The following RFC5 variants were observed in gnomAD, a reference collection of about 807,000 sequenced individuals.
The protein encoded by RFC5 is replication factor C subunit 5.
A neutral mutation model predicts 44.3 loss-of-function variants in RFC5; 26 were observed. The ratio of observed to expected loss-of-function variants is 0.59; its 90% CI spans 0.43 to 0.81. The LOEUF is 0.81. Among genes scored for constraint, RFC5 ranks in the 40% least tolerant of loss-of-function variants. The pLI is 0.00. For missense variants in RFC5, 328 were observed against 418.6 expected, an observed-to-expected ratio of 0.78 and a Z score of 1.89; for synonymous variants, 155 against 155.2, an observed-to-expected ratio of 1.00 and a Z score of 0.01.
At chr12:118,035,352 GC>G, downstream of RFC5, 1 of 1,600,248 alleles carries the variant, frequency 6.2e-7, no homozygotes. Context: ...AGGATGGCAG[GC>G]CTGGAGTGAT....
At chr12:118,036,328 C>T (rs770240745), downstream of RFC5, 60 of 1,610,374 alleles carry the variant, frequency 3.7e-5, no homozygotes, top group African/African-American at 5.3e-5. Context: ...AGCAGGGATT[C>T]AGTCCTTACT....
Position 118,022,470 on chromosome 12 carries a change from T to C in RFC5, c.421+111T>C, listed in dbSNP as rs1593441095. 8.0e-6 allele frequency: 6 copies of C among 747,856 alleles called. No homozygotes were observed. The East Asian group carries it at 1.6e-4, about 20-fold the overall frequency. 46.3% of individuals were successfully genotyped at this position (747,856 alleles called of 1,614,324 possible). On this transcript the variant is annotated intron_variant, in intron 5 of 10. Transcript: ENST00000454402. Reference sequence around the variant, plus strand: ...GTTTTTTTAGGCGGGGGGGAGTTTTTTTTTCTTTTTTTGAGTCAGAGTCTT... The same window carrying C: ...GTTTTTTTAGGCGGGGGGGAGTTTTCTTTTCTTTTTTTGAGTCAGAGTCTT...
intron 9 of RFC5, among the ~76,000 whole-genome samples, chr12:118,029,358 C>T (rs4767653): frequency 0.1 from 15,536 of 152,166 alleles, 1,277 homozygotes; most frequent in East Asian, 0.4. Flanking sequence ...GTCAAGGCTG[C>T]AGTGAGTCAT....
chr12:118,020,206 C>G (rs1219032397), intron 3 of RFC5, among the ~76,000 whole-genome samples: 1 of 152,154 alleles, frequency 6.6e-6, no homozygotes, highest in African/African-American at 2.4e-5. Flanking sequence ...TGAGTGATGC[C>G]TGGGCCTTCC....
chr12:118,040,231 C>T, the RFC5 span, among the ~76,000 whole-genome samples: 157 of 152,148 alleles, frequency 1.0e-3, 1 homozygote, highest in African/African-American at 3.7e-3. Context: ...GCTGGGAGTA[C>T]TGAATAAATT....
chr12:118,017,587 A>G, intron 1 of RFC5: 4 of 897,604 alleles, frequency 4.5e-6, no homozygotes, highest in Non-Finnish European at 5.6e-6. Context: ...GCAAGTTGTC[A>G]TTGTCTAGTA....
chr12:118,033,888 A>G, downstream of RFC5: 1 of 340,234 alleles, frequency 2.9e-6, no homozygotes, highest in Non-Finnish European at 5.6e-6. Context: ...AAACAACATC[A>G]GTAACTGCAC....
At position 118,019,319 on chromosome 12, in the gene RFC5, G is replaced by A. The variant is rs537925018; in HGVS notation, c.130+183G>A. ...AGTCCAGTGGGTAAGTCACAAACAT[G>A]AGCATAAAATTGCAACACAGTGGAG... is the stretch of plus-strand genomic sequence containing the variant. On this transcript the variant is annotated intron_variant, in intron 2 of 10. Transcript: ENST00000454402. This position sits in a 1 kb window ranked among gnomAD's most constrained non-coding sequence, Gnocchi z 4.2. Among the ~76,000 whole-genome samples the A allele has an allele frequency of 3.6e-4, 55 of 152,264 alleles. No homozygotes were observed. The highest frequency in any genetic ancestry group is 1.3e-3 in the African/African-American group (53 of 41,552).
chr12:118,034,409 T>G, downstream of RFC5: 1 of 1,597,734 alleles, frequency 6.3e-7, no homozygotes, highest in Non-Finnish European at 8.6e-7. Context: ...TGTTCATGTT[T>G]TCATGAGGAT....
At chr12:118,034,977 A>C, downstream of RFC5, 1 of 1,613,586 alleles carries the variant, frequency 6.2e-7, no homozygotes, top group Non-Finnish European at 8.5e-7. Flanking sequence ...TCAGCTAACA[A>C]ATACATACCC....
chr12:118,032,152 C>G lies in RFC5; in HGVS notation c.*874C>G, dbSNP rs571415475. 6.6e-6 allele frequency: 1 copy of G among 152,338 alleles called. No individual in the cohort carries two copies. The highest frequency in any genetic ancestry group is 2.4e-5 in the African/African-American group (1 of 41,586). The allele number at this position is 152,338 out of a possible 1,614,324, so 9.4% of individuals were successfully genotyped here. A position where few individuals can be genotyped will look rare whatever the true frequency, so the allele number is the denominator to read the frequency against. On this transcript the variant is annotated 3_prime_UTR_variant, in exon 11 of 11. Coordinates refer to ENST00000454402, the MANE Select transcript of RFC5 (RefSeq NM_007370.7). ...TCTTCCTTAGACAGCTAGAAAGATG[C>G]TGACTTTGTCAAACTTGCATTTATA...
chr12:118,027,770 AGAT>A (rs1259458773), intron 8 of RFC5, among the ~76,000 whole-genome samples, 180 bp from the exon 9 acceptor site: 1 of 152,236 alleles, frequency 6.6e-6, no homozygotes, highest in East Asian at 1.9e-4. Context: ...CCCTTACTGA[AGAT>A]GAAACAAAGA....
At chr12:118,035,555 G>A (rs2031492698), downstream of RFC5, 1 of 501,394 alleles carries the variant, frequency 2.0e-6, no homozygotes, top group Non-Finnish European at 3.6e-6. Context: ...GTGCTAATTT[G>A]CTTATGCAAA....
At chr12:118,028,246 G>A (rs1414022102) in intron 9 of RFC5, among the ~76,000 whole-genome samples, 1 of 152,178 alleles carries the variant, frequency 6.6e-6, no homozygotes, top group Admixed American at 6.5e-5. Flanking sequence ...CACTTTGGGA[G>A]GCCAAAGCAG....
At chr12:118,016,964 T>C in intron 1 of RFC5, 72 bp downstream of exon 1, 4 of 1,295,834 alleles carry the variant, frequency 3.1e-6, no homozygotes, top group Non-Finnish European at 4.4e-6. Context: ...GTGGCTGGGG[T>C]GGCAGGTGAC....
chr12:118,034,403 C>G (rs774794578), downstream of RFC5: 4 of 1,599,918 alleles, frequency 2.5e-6, no homozygotes, highest in Non-Finnish European at 3.4e-6. Context: ...CTTGGATGTT[C>G]ATGTTTTCAT....
Position 118,016,868 on chromosome 12 carries a change from C to G in RFC5, c.41C>G (p.Ala14Gly), listed in dbSNP as rs765756962. Residue 14 changes from alanine (A) to glycine (G), a missense_variant, in exon 1 of 11, where the codon GCG becomes GGG. Transcript: ENST00000454402. ...CTCAAGCAGCAGGAGCAGCCCGCGG[C>G]GACCAAGATCAGGAACCTGCCCTGG... Reference protein sequence around the residue: ...SALKQQEQPAATKIRNLPWVE... With the variant: ...SALKQQEQPAGTKIRNLPWVE... The G allele has an allele frequency of 6.2e-7, 1 of 1,613,398 alleles. No homozygotes were observed. Among genetic ancestry groups the G allele is most frequent in the African/African-American group, 1.3e-5 (1 of 74,908 alleles).
At chr12:118,023,747 T>A (rs1356263461) in intron 5 of RFC5, among the ~76,000 whole-genome samples, 2 of 150,418 alleles carry the variant, frequency 1.3e-5, no homozygotes, top group Non-Finnish European at 3.0e-5. Flanking sequence ...AAAGCCGCCC[T>A]CCCTGCCCAT....
Position 118,020,987 on chromosome 12 carries a change from TA to T in RFC5, c.347+4del, listed in dbSNP as rs761715858. Reference sequence around the variant, plus strand: ...TGCTAGCACAAGGACAATATTTAAGTAAGAATTATTTGTGTAATTTCGCTCC... The same window carrying T: ...TGCTAGCACAAGGACAATATTTAAGTAGAATTATTTGTGTAATTTCGCTCC... On this transcript the variant is annotated splice_donor_region_variant and intron_variant, in intron 4 of 10. Transcript: ENST00000454402. 6.3e-7 allele frequency: 1 copy of T among 1,585,856 alleles called. No individual in the cohort carries two copies. Among genetic ancestry groups the T allele is most frequent in the South Asian group, 1.1e-5 (1 of 90,106 alleles).
Sources: gnomAD v4.1 joint callset for allele counts (sites outside exome capture counted in the v4.1 genomes callset) on GRCh38, gnomAD v4.1.1 for gene constraint, Gnocchi (gnomAD v3.1) non-coding constraint, MANE v1.5 for transcripts, NCBI Gene and HGNC (gene_info 2026-07-23, HGNC 2026-07-21) for gene names.